Variants in NMT1 observed in about 807,000 individuals in gnomAD.
NMT1 encodes the protein glycylpeptide N-tetradecanoyltransferase 1.
Under a neutral mutation model 63.4 loss-of-function variants are expected in NMT1, and 12 were observed. The ratio of observed to expected loss-of-function variants is 0.19; its 90% CI spans 0.12 to 0.31. NMT1 has a LOEUF of 0.31. Ranked by LOEUF, NMT1 falls within the 10% of genes least tolerant of loss-of-function variation. NMT1 has a pLI of 1.00. For missense variants in NMT1, 432 were observed against 634.6 expected (o/e 0.68, Z 3.43); for synonymous variants, 228 against 234.3 (o/e 0.97, Z 0.25).
intron 7 of NMT1, chr17:45,098,846 G>A: frequency 2.8e-6 from 1 of 362,954 alleles, no homozygotes; most frequent in Non-Finnish European, 5.1e-6. Flanking sequence ...TGTTTTTAGG[G>A]ATGAGCCCAA....
Position 45,070,240 on chromosome 17 carries a change from C to T in NMT1, c.131+8780C>T, listed in dbSNP as rs1384221311. Reference sequence around the variant, plus strand: ...ACCTGCTGTTCTCTTCACAGACCTCCCAGGGTACCTTTTTTTGTGTGTGTG... The same window carrying T: ...ACCTGCTGTTCTCTTCACAGACCTCTCAGGGTACCTTTTTTTGTGTGTGTG... On this transcript the variant is annotated intron_variant, in intron 1 of 11. Transcript: ENST00000258960. 2.0e-5 allele frequency among the ~76,000 whole-genome samples: 3 copies of T among 150,878 alleles called. No homozygotes were observed. In the East Asian group the frequency reaches 5.8e-4, roughly 29 times the overall value.
In NMT1 at chr17:45,108,941, G is replaced by A. The variant is rs2054222207; in HGVS notation, c.*3302G>A. ...GGGGGCATCCATTTCCAGGGTCGGG[G>A]AGGAAATACCAAATGCATTGTTGTT... On this transcript the variant is annotated 3_prime_UTR_variant, in exon 12 of 12. Coordinates refer to ENST00000258960, the MANE Select transcript of NMT1 (RefSeq NM_021079.5). 1 of 152,638 alleles carries A rather than the reference G, an allele frequency of 6.6e-6. No homozygotes were observed. The highest frequency in any genetic ancestry group is 6.5e-5 in the Admixed American group (1 of 15,280). 9.5% of individuals were successfully genotyped at this position (152,638 alleles called of 1,614,324 possible). A position where few individuals can be genotyped will look rare whatever the true frequency, so the allele number is the denominator to read the frequency against.
Position 45,104,233 on chromosome 17 carries a change from T to A in NMT1, c.1332+357T>A. The A allele has an allele frequency of 8.2e-7, 1 of 1,212,674 alleles. No homozygotes were observed. The allele number at this position is 1,212,674 out of a possible 1,614,324, so 75.1% of individuals were successfully genotyped here. A position where few individuals can be genotyped will look rare whatever the true frequency, so the allele number is the denominator to read the frequency against. ...GATTGCTGTCTGTCGTGGTGAGTCATTGGAGCATCCAACTGCCAGTAGCGG... is the reference window on the plus strand; with the variant it reads ...GATTGCTGTCTGTCGTGGTGAGTCAATGGAGCATCCAACTGCCAGTAGCGG... On this transcript the variant is annotated intron_variant, in intron 10 of 11. Coordinates refer to ENST00000258960, the MANE Select transcript of NMT1 (RefSeq NM_021079.5). This position sits in a 1 kb window ranked among gnomAD's most constrained non-coding sequence, Gnocchi z 4.2.
Position 45,102,996 on chromosome 17 carries a change from C to T in NMT1, c.1039C>T (p.Pro347Ser), listed in dbSNP as rs1358012081. The change falls in exon 9 of 12, where the codon CCA becomes TCA. Residue 347 changes from proline to serine, a missense_variant. Transcript: ENST00000258960. ...GCGACCAATGGAAACAAAGGACATTCCAGTAGTGCACCAGCTCCTCACCAG... is the reference window on the plus strand; with the variant it reads ...GCGACCAATGGAAACAAAGGACATTTCAGTAGTGCACCAGCTCCTCACCAG... ...GLRPMETKDI[P>S]VVHQLLTRYL... 1.2e-6 allele frequency: 2 copies of T among 1,614,040 alleles called. No homozygotes were observed. The highest frequency in any genetic ancestry group is 1.1e-5 in the South Asian group (1 of 91,080).
At chr17:45,084,336 C>CTTTT (rs59845744) in intron 2 of NMT1, among the ~76,000 whole-genome samples, 2 of 141,194 alleles carry the variant, frequency 1.4e-5, no homozygotes, top group Non-Finnish European at 3.0e-5. Flanking sequence ...GCTTGGTAAA[C>CTTTT]TTTTTTTTTT....
chr17:45,079,292 CG>C, intron 1 of NMT1, among the ~76,000 whole-genome samples: 1 of 151,980 alleles, frequency 6.6e-6, no homozygotes, highest in East Asian at 1.9e-4. Context: ...TTAGTAGAGA[CG>C]GGGTTTCACC....
At chr17:45,097,524 T>A (rs1422771064) in intron 6 of NMT1, among the ~76,000 whole-genome samples, 1 of 152,042 alleles carries the variant, frequency 6.6e-6, no homozygotes, top group Non-Finnish European at 1.5e-5. Context: ...TTGTTTATTA[T>A]TTTTTACATT....
chr17:45,103,062 G>C lies in NMT1; in HGVS notation c.1105G>C (p.Glu369Gln). ...TCACCTTACGCCCGTCATGAGCCAG[G>C]AGGAGGTGGAGCACTGGTTCTACCC... The part of the protein sequence containing the change: ...QFHLTPVMSQ[E>Q]EVEHWFYPQE... Residue 369 changes from glutamate (E) to glutamine (Q), a missense_variant, in exon 9 of 12, where the codon GAG becomes CAG. Physicochemically the swap from Glu to Gln is conservative, Grantham distance 29. Transcript: ENST00000258960. This position sits in a 1 kb window ranked among gnomAD's most constrained non-coding sequence, Gnocchi z 4.8. 1 of 1,614,026 alleles carries C rather than the reference G, an allele frequency of 6.2e-7. No homozygotes were observed. The highest frequency in any genetic ancestry group is 8.5e-7 in the Non-Finnish European group (1 of 1,179,920).
intron 3 of NMT1, among the ~76,000 whole-genome samples, chr17:45,091,187 GACACACACACACACAC>G (rs3062356): frequency 7.4e-4 from 90 of 121,058 alleles, no homozygotes; most frequent in African/African-American, 2.1e-3. Context: ...GGTCTTTCCT[GACACACACACACACAC>G]ACACACACAC....
intron 1 of NMT1, 85 bp from the exon 2 acceptor site, chr17:45,081,559 C>G (rs1021719378): frequency 7.2e-5 from 86 of 1,200,616 alleles, no homozygotes; most frequent in Non-Finnish European, 9.8e-5. Context: ...TAAGGAAGGT[C>G]TGGCTCCACA....
intron 3 of NMT1, 85 bp from the exon 4 acceptor site, chr17:45,093,600 A>C: frequency 9.5e-7 from 1 of 1,051,616 alleles, no homozygotes. Flanking sequence ...GACAGGAGGA[A>C]TTTGCTCTGG....
chr17:45,103,076 C>T lies in NMT1; in HGVS notation c.1119C>T (p.His373=). 6.2e-7 allele frequency: 1 copy of T among 1,613,982 alleles called. No individual in the cohort carries two copies. The highest frequency in any genetic ancestry group is 8.5e-7 in the Non-Finnish European group (1 of 1,179,884). ...TCATGAGCCAGGAGGAGGTGGAGCA[C>T]TGGTTCTACCCCCAGGAGAATATCA... ...TPVMSQEEVE[H]WFYPQENIID... Residue 373 remains histidine (H), a synonymous_variant, in exon 9 of 12, where the codon CAC becomes CAT. Coordinates refer to ENST00000258960, the MANE Select transcript of NMT1 (RefSeq NM_021079.5). This position sits in a 1 kb window ranked among gnomAD's most constrained non-coding sequence, Gnocchi z 4.8.
chr17:45,082,498 CAG>C (rs1482323548), intron 2 of NMT1, among the ~76,000 whole-genome samples: 7 of 152,182 alleles, frequency 4.6e-5, no homozygotes, highest in Non-Finnish European at 5.9e-5. Context: ...ATGAGTCCCA[CAG>C]AGTCTTTCTG....
At chr17:45,074,994 G>T (rs1245401974) in intron 1 of NMT1, among the ~76,000 whole-genome samples, 2 of 152,076 alleles carry the variant, frequency 1.3e-5, no homozygotes, top group Admixed American at 1.3e-4. Flanking sequence ...CAGGAGGATT[G>T]CTTGAGCCCA....
intron 3 of NMT1, 22 bp from the exon 4 acceptor site, chr17:45,093,663 C>T (rs2054103868): frequency 6.2e-7 from 1 of 1,606,704 alleles, no homozygotes; most frequent in Non-Finnish European, 8.5e-7. Flanking sequence ...GGGTGAGGCT[C>T]ACAGCTGTGC....
chr17:45,065,898 G>A (rs2053899637), intron 1 of NMT1, among the ~76,000 whole-genome samples: 1 of 148,356 alleles, frequency 6.7e-6, no homozygotes, highest in Non-Finnish European at 1.5e-5. Context: ...TTTTTAAAGA[G>A]ACTGTGTCTC....
chr17:45,077,980 T>A (rs2053988298), intron 1 of NMT1, among the ~76,000 whole-genome samples: 1 of 152,308 alleles, frequency 6.6e-6, no homozygotes, highest in Admixed American at 6.5e-5. Context: ...CTTCTGGGTC[T>A]CATTAATATC....
intron 2 of NMT1, among the ~76,000 whole-genome samples, chr17:45,084,103 C>CTGGGT (rs2054034827): frequency 6.6e-6 from 1 of 151,838 alleles, no homozygotes; most frequent in Non-Finnish European, 1.5e-5. Flanking sequence ...ACCCAGAAGC[C>CTGGGT]ATAAAACAGA....
chr17:45,091,542 G>A (rs547662673), intron 3 of NMT1, among the ~76,000 whole-genome samples: 2 of 152,148 alleles, frequency 1.3e-5, no homozygotes, highest in South Asian at 4.1e-4. Context: ...AATTCAGGGG[G>A]AAAAAAAGAA....
Sources: gnomAD v4.1 joint callset for allele counts (sites outside exome capture counted in the v4.1 genomes callset) on GRCh38, gnomAD v4.1.1 for gene constraint, Gnocchi (gnomAD v3.1) non-coding constraint, MANE v1.5 for transcripts, NCBI Gene and HGNC (gene_info 2026-07-23, HGNC 2026-07-21) for gene names.